Variants in PARD3 observed in about 807,000 individuals in gnomAD.
PARD3 encodes partitioning defective 3 homolog.
A neutral mutation model predicts 155.4 loss-of-function variants in PARD3; 75 were observed. The observed-to-expected ratio is 0.48, with a 90% CI of 0.40 to 0.58. The LOEUF is 0.58. Among genes scored for constraint, PARD3 ranks in the 20% least tolerant of loss-of-function variants. The pLI, the probability that PARD3 is intolerant of heterozygous loss-of-function variation, is 0.00. For missense variants in PARD3, 1,642 were observed against 1,721.7 expected, an observed-to-expected ratio of 0.95 and a Z score of 0.82; for synonymous variants, 576 against 610.5, an observed-to-expected ratio of 0.94 and a Z score of 0.83.
At chr10:34,517,469 A>G (rs2081854590) in intron 2 of PARD3, among the ~76,000 whole-genome samples, 1 of 152,234 alleles carries the variant, frequency 6.6e-6, no homozygotes, top group Non-Finnish European at 1.5e-5. Flanking sequence ...GGATATTTAA[A>G]TGGAAAAGAA....
At chr10:34,682,051 G>T (rs1308111165) in intron 2 of PARD3, among the ~76,000 whole-genome samples, 2 of 151,758 alleles carry the variant, frequency 1.3e-5, no homozygotes, top group Admixed American at 6.6e-5. Context: ...TGAAAGAAAA[G>T]GATGCTGTTA....
At chr10:34,608,178 G>A (rs953155432) in intron 2 of PARD3, among the ~76,000 whole-genome samples, 9 of 152,072 alleles carry the variant, frequency 5.9e-5, no homozygotes, top group Non-Finnish European at 1.0e-4. Flanking sequence ...TCAGAGCAGG[G>A]GATTTCAGTT....
intron 22 of PARD3, among the ~76,000 whole-genome samples, chr10:34,166,754 C>T (rs1949547652): frequency 6.6e-6 from 1 of 152,168 alleles, no homozygotes. Context: ...CCACAACACA[C>T]ACAATAGCCA....
chr10:34,766,999 C>A (rs115339712), intron 1 of PARD3, among the ~76,000 whole-genome samples: 271 of 152,290 alleles, frequency 1.8e-3, no homozygotes, highest in African/African-American at 6.0e-3. Flanking sequence ...ACAAGCAGCA[C>A]ATCCCTAAAC....
At chr10:34,674,148 T>C (rs2093658586) in intron 2 of PARD3, among the ~76,000 whole-genome samples, 1 of 152,234 alleles carries the variant, frequency 6.6e-6, no homozygotes, top group South Asian at 2.1e-4. Flanking sequence ...TATATCTGTA[T>C]TTCTTCGTTA....
At chr10:34,599,149 C>T (rs1326931954) in intron 2 of PARD3, among the ~76,000 whole-genome samples, 1 of 152,212 alleles carries the variant, frequency 6.6e-6, no homozygotes, top group African/African-American at 2.4e-5. Context: ...CGCATCCCCA[C>T]TTCCGTCATC....
Position 34,307,590 on chromosome 10 carries a change from A to G in PARD3, c.3065+9517T>C, listed in dbSNP as rs142733963. Among the ~76,000 whole-genome samples the G allele has an allele frequency of 2.7e-3, 408 of 152,260 alleles. 1 individual carries two copies. The highest frequency in any genetic ancestry group is 4.6e-3 in the Non-Finnish European group (310 of 68,024). ...ACTTAGTGCTATAAACCCAAGGGCCATGGAGACTGGGGTACATTTACACTG... is the reference window on the plus strand; with the variant it reads ...ACTTAGTGCTATAAACCCAAGGGCCGTGGAGACTGGGGTACATTTACACTG... On this transcript the variant is annotated intron_variant, in intron 20 of 24. Coordinates refer to ENST00000374788, the MANE Select transcript of PARD3 (RefSeq NM_001184785.2).
chr10:34,146,663 T>C (rs912136651), intron 22 of PARD3, among the ~76,000 whole-genome samples: 4 of 152,210 alleles, frequency 2.6e-5, no homozygotes, highest in African/African-American at 9.6e-5. Context: ...TGACATACAA[T>C]TTTTAATCCT....
chr10:34,777,515 A>G (rs1839735899), intron 1 of PARD3, among the ~76,000 whole-genome samples: 1 of 152,162 alleles, frequency 6.6e-6, no homozygotes, highest in Non-Finnish European at 1.5e-5. Flanking sequence ...CCAGGTATAC[A>G]GTAGATGCTC....
At chr10:34,656,206 T>C (rs1353949775) in intron 2 of PARD3, among the ~76,000 whole-genome samples, 13 of 152,306 alleles carry the variant, frequency 8.5e-5, no homozygotes, top group South Asian at 8.3e-4. Context: ...GGGCTTCTCT[T>C]AGCTTCTCCT....
At chr10:34,176,897 C>T (rs1362384720) in intron 22 of PARD3, among the ~76,000 whole-genome samples, 1 of 151,966 alleles carries the variant, frequency 6.6e-6, no homozygotes, top group East Asian at 1.9e-4. Flanking sequence ...TGTAATTGTG[C>T]ACAATCAAGA....
chr10:34,814,108 A>G (rs141787089), intron 1 of PARD3, among the ~76,000 whole-genome samples: 48 of 152,224 alleles, frequency 3.2e-4, no homozygotes, highest in Admixed American at 2.7e-3. Flanking sequence ...GTAGGAGCTG[A>G]GGTCCTCGCA....
chr10:34,524,297 C>T (rs367797049), intron 2 of PARD3, among the ~76,000 whole-genome samples: 14 of 152,250 alleles, frequency 9.2e-5, no homozygotes, highest in East Asian at 7.7e-4. Context: ...GAGACCTGTC[C>T]GACAAGAGCT....
At chr10:34,527,425 C>T (rs779977391) in intron 2 of PARD3, among the ~76,000 whole-genome samples, 3 of 152,112 alleles carry the variant, frequency 2.0e-5, no homozygotes, top group Non-Finnish European at 4.4e-5. Context: ...ACAAGAAAAA[C>T]TGAGGGCCGT....
intron 5 of PARD3, among the ~76,000 whole-genome samples, chr10:34,449,021 C>T (rs184836546): frequency 0.024 from 3,552 of 150,834 alleles, 66 homozygotes; most frequent in Non-Finnish European, 0.034. Context: ...CGGGTTCACG[C>T]CATTCTCCTG....
At chr10:34,585,062 T>C (rs962556211) in intron 2 of PARD3, among the ~76,000 whole-genome samples, 13 of 152,206 alleles carry the variant, frequency 8.5e-5, no homozygotes, top group African/African-American at 2.9e-4. Flanking sequence ...GTAGATTTAA[T>C]ATATTGCTTA....
At chr10:34,239,568 G>A (rs1334151672) in intron 22 of PARD3, among the ~76,000 whole-genome samples, 2 of 152,084 alleles carry the variant, frequency 1.3e-5, no homozygotes, top group Admixed American at 6.6e-5. Context: ...TTGGGAGGCC[G>A]AGGCGGGTGG....
intron 21 of PARD3, among the ~76,000 whole-genome samples, chr10:34,274,339 C>A (rs1955774149): frequency 6.6e-6 from 1 of 152,106 alleles, no homozygotes; most frequent in South Asian, 2.1e-4. Flanking sequence ...AGCTGGTTAC[C>A]ACTAAATACT....
intron 22 of PARD3, among the ~76,000 whole-genome samples, chr10:34,192,031 T>C (rs1950734415): frequency 6.6e-6 from 1 of 151,784 alleles, no homozygotes; most frequent in African/African-American, 2.4e-5. Context: ...AGTGGAACAC[T>C]TCAAAATCAG....
Sources: allele counts gnomAD v4.1 joint callset (sites outside exome capture counted in the v4.1 genomes callset), GRCh38; gene constraint gnomAD v4.1.1; transcripts MANE v1.5; gene names NCBI Gene and HGNC (gene_info 2026-07-23, HGNC 2026-07-21).